SH3GL3: variants seen among roughly 807,000 people sequenced by gnomAD.
SH3GL3 encodes endophilin-A3.
Under a neutral mutation model 47.7 loss-of-function variants are expected in SH3GL3, and 33 were observed. The ratio of observed to expected loss-of-function variants is 0.69; its 90% CI spans 0.52 to 0.92. The LOEUF is 0.92. SH3GL3 is among the 40% of genes least tolerant of loss of function. The pLI is 0.00. For synonymous variants in SH3GL3, 155 were observed against 148.8 expected (o/e 1.04, Z -0.30); for missense variants, 363 against 417.8 (o/e 0.87, Z 1.14).
At chr15:83,538,210 A>G (rs2044007910) in intron 1 of SH3GL3, among the ~76,000 whole-genome samples, 1 of 152,210 alleles carries the variant, frequency 6.6e-6, no homozygotes, top group Non-Finnish European at 1.5e-5. Flanking sequence ...ATTGTCAGAC[A>G]TGAACATTAT....
chr15:83,544,031 A>AT lies in SH3GL3; in HGVS notation c.46-15213dup, dbSNP rs954407425. Among the ~76,000 whole-genome samples, 21 of 149,476 alleles carry AT rather than the reference A, an allele frequency of 1.4e-4. No homozygotes were observed. In the South Asian group the frequency reaches 3.0e-3, roughly 21 times the overall value. On this transcript the variant is annotated intron_variant, in intron 1 of 8. Coordinates refer to ENST00000427482, the MANE Select transcript of SH3GL3 (RefSeq NM_003027.5). Reference sequence around the variant, plus strand: ...TTTTATTTATTTCTGCCTGATTTTAATTTTTTTTTCTTTACTAATTTTGGG... The same window carrying AT: ...TTTTATTTATTTCTGCCTGATTTTAATTTTTTTTTTCTTTACTAATTTTGGG...
intron 1 of SH3GL3, among the ~76,000 whole-genome samples, chr15:83,537,487 AGAAGTTCACAG>A (rs2043965200): frequency 6.6e-6 from 1 of 152,226 alleles, no homozygotes; most frequent in Admixed American, 6.5e-5. Flanking sequence ...GGAAGCACAG[AGAAGTTCACAG>A]TTGCAGTGGA....
At chr15:83,505,562 C>CTCTCA (rs2042466275) in intron 1 of SH3GL3, among the ~76,000 whole-genome samples, 1 of 130,364 alleles carries the variant, frequency 7.7e-6, no homozygotes, top group African/African-American at 3.0e-5. Flanking sequence ...GAGTCTCACT[C>CTCTCA]TCTCATCCAG....
downstream of SH3GL3, among the ~76,000 whole-genome samples, chr15:83,623,108 T>C (rs540538097): frequency 6.6e-6 from 1 of 152,288 alleles, no homozygotes; most frequent in South Asian, 2.1e-4. Flanking sequence ...ATGTCCTCAA[T>C]ATAGGTTTCA....
At chr15:83,574,017 A>G (rs1368983079) in intron 5 of SH3GL3, among the ~76,000 whole-genome samples, 1 of 152,182 alleles carries the variant, frequency 6.6e-6, no homozygotes, top group Non-Finnish European at 1.5e-5. Flanking sequence ...GAAGCTGGCT[A>G]ATGCAGACTG....
chr15:83,590,968 T>C (rs929985326), intron 8 of SH3GL3, among the ~76,000 whole-genome samples: 27 of 152,210 alleles, frequency 1.8e-4, no homozygotes, highest in African/African-American at 6.5e-4. Context: ...GTGTGAAGTC[T>C]AGGAATTCTT....
chr15:83,621,623 G>C (rs928219030), downstream of SH3GL3, among the ~76,000 whole-genome samples: 1 of 152,178 alleles, frequency 6.6e-6, no homozygotes, highest in African/African-American at 2.4e-5. Flanking sequence ...ACCAAAGTGT[G>C]ACAGAGACAG....
intron 1 of SH3GL3, among the ~76,000 whole-genome samples, chr15:83,492,058 G>T (rs897542053): frequency 6.6e-6 from 1 of 152,134 alleles, no homozygotes; most frequent in Non-Finnish European, 1.5e-5. Context: ...GCCTAGGCCG[G>T]CAGATCACGA....
At chr15:83,469,809 T>G (rs2040747706) in intron 1 of SH3GL3, among the ~76,000 whole-genome samples, 2 of 152,204 alleles carry the variant, frequency 1.3e-5, no homozygotes, top group South Asian at 4.1e-4. Flanking sequence ...GTGTTCCAAA[T>G]AAATTATCTA....
intron 1 of SH3GL3, among the ~76,000 whole-genome samples, chr15:83,523,808 A>G (rs2043303458): frequency 6.6e-6 from 1 of 152,030 alleles, no homozygotes; most frequent in African/African-American, 2.4e-5. Context: ...GTCTCCAAAA[A>G]CAAATGAATG....
chr15:83,502,692 A>G (rs1567278821), intron 1 of SH3GL3, among the ~76,000 whole-genome samples: 1 of 152,066 alleles, frequency 6.6e-6, no homozygotes, highest in Non-Finnish European at 1.5e-5. Context: ...CTGAGTAGCT[A>G]GGAGTACAGG....
intron 8 of SH3GL3, among the ~76,000 whole-genome samples, chr15:83,593,840 A>T (rs1270520925): frequency 2.0e-5 from 3 of 151,370 alleles, no homozygotes; most frequent in Non-Finnish European, 4.4e-5. Flanking sequence ...TCTTTTTGAG[A>T]CAGGGTCTTG....
intron 8 of SH3GL3, among the ~76,000 whole-genome samples, chr15:83,599,094 C>G (rs1415507181): frequency 6.6e-6 from 1 of 152,112 alleles, no homozygotes; most frequent in Non-Finnish European, 1.5e-5. Flanking sequence ...TTTTCTATCT[C>G]TTCTTATTTA....
rs372054657 is a variant in SH3GL3 at position 83,459,036 on chromosome 15, G to A, written c.45+11458G>A. Among the ~76,000 whole-genome samples, 15 of 152,274 alleles carry A rather than the reference G, an allele frequency of 9.9e-5. 1 individual carries two copies. The highest frequency in any genetic ancestry group is 1.0e-4 in the Non-Finnish European group (7 of 68,000). On this transcript the variant is annotated intron_variant, in intron 1 of 8. Transcript: ENST00000427482. The stretch of plus-strand genomic sequence containing the variant: ...GACAGTGCAGCCTTCAGTCTGGGCC[G>A]AAGGCCCGAGAGCCCCTGGCAAACC...
At chr15:83,613,151 T>G (rs914419625) in intron 8 of SH3GL3, among the ~76,000 whole-genome samples, 3 of 152,164 alleles carry the variant, frequency 2.0e-5, no homozygotes, top group Admixed American at 1.3e-4. Context: ...CAGTCTGAGC[T>G]CTGGTTGGGG....
the SH3GL3 span, among the ~76,000 whole-genome samples, chr15:83,629,645 T>G: frequency 2.6e-5 from 4 of 152,002 alleles, no homozygotes; most frequent in Non-Finnish European, 5.9e-5. Context: ...TACAGTGAGA[T>G]CCCATCCCTA....
At chr15:83,529,324 G>A (rs2043559942) in intron 1 of SH3GL3, among the ~76,000 whole-genome samples, 3 of 152,178 alleles carry the variant, frequency 2.0e-5, no homozygotes, top group East Asian at 3.9e-4. Context: ...AGCAGTGGCA[G>A]CAGTGGGCTG....
At chr15:83,540,920 C>T (rs188926868) in intron 1 of SH3GL3, among the ~76,000 whole-genome samples, 3 of 152,268 alleles carry the variant, frequency 2.0e-5, no homozygotes, top group Non-Finnish European at 4.4e-5. Flanking sequence ...CATTAACCAT[C>T]CCGATTCCCT....
At chr15:83,503,974 A>G (rs999579463) in intron 1 of SH3GL3, among the ~76,000 whole-genome samples, 4 of 152,214 alleles carry the variant, frequency 2.6e-5, no homozygotes, top group Admixed American at 2.0e-4. Flanking sequence ...ATGAAATGTT[A>G]CATTCTTATC....
Sources: allele counts gnomAD v4.1 joint callset (sites outside exome capture counted in the v4.1 genomes callset), GRCh38; gene constraint gnomAD v4.1.1; transcripts MANE v1.5; gene names NCBI Gene and HGNC (gene_info 2026-07-23, HGNC 2026-07-21).